Variants in RARS1 observed in about 807,000 individuals in gnomAD.
The protein encoded by RARS1 is arginyl-tRNA synthetase 1, also known as arginine--tRNA ligase, cytoplasmic.
In RARS1, 75 loss-of-function variants were observed where a neutral mutation model predicts 78.7. That is an observed-to-expected ratio of 0.95 (90% CI 0.79 to 1.15). The LOEUF is 1.15. Ranked by LOEUF, RARS1 falls within the 50% of genes most tolerant of loss-of-function variation. The pLI, the probability that RARS1 is intolerant of heterozygous loss-of-function variation, is 0.00. For missense variants in RARS1, 787 were observed against 787.5 expected (o/e 1.00, Z 0.01); for synonymous variants, 273 against 268.2 (o/e 1.02, Z -0.18).
chr5:168,493,298 G>T, intron 3 of RARS1: 1 of 157,800 alleles, frequency 6.3e-6, no homozygotes, highest in Non-Finnish European at 1.4e-5. Context: ...ATGTGTTTAT[G>T]GTTAACTGCA....
chr5:168,511,913 T>G (rs1758570870), intron 12 of RARS1, among the ~76,000 whole-genome samples: 1 of 152,184 alleles, frequency 6.6e-6, no homozygotes, highest in South Asian at 2.1e-4. Context: ...TCGCTCAGGC[T>G]GGAGTGCAGT....
Position 168,519,274 on chromosome 5 carries a change from C to A in RARS1, c.*84C>A. The A allele has an allele frequency of 2.0e-6, 2 of 1,019,688 alleles. No individual in the cohort carries two copies. The highest frequency in any genetic ancestry group is 2.9e-6 in the Non-Finnish European group (2 of 691,734). The allele number at this position is 1,019,688 out of a possible 1,614,324, so 63.2% of individuals were successfully genotyped here. A position where few individuals can be genotyped will look rare whatever the true frequency, so the allele number is the denominator to read the frequency against. Reference sequence around the variant, plus strand: ...TTTTTTACAATCATGTGGACACAAGCATAAGTAAAGAAAATTTGTCAACCA... The same window carrying A: ...TTTTTTACAATCATGTGGACACAAGAATAAGTAAAGAAAATTTGTCAACCA... On this transcript the variant is annotated 3_prime_UTR_variant, in exon 15 of 15. Coordinates refer to ENST00000231572, the MANE Select transcript of RARS1 (RefSeq NM_002887.4).
intron 11 of RARS1, among the ~76,000 whole-genome samples, chr5:168,508,618 T>TC (rs1282982214): frequency 2.0e-5 from 1 of 48,866 alleles, no homozygotes; most frequent in African/African-American, 8.8e-5. Context: ...AGACTCTGTC[T>TC]CAAAAAAAAA....
chr5:168,515,867 C>T (rs1255253204), intron 12 of RARS1, among the ~76,000 whole-genome samples: 1 of 152,196 alleles, frequency 6.6e-6, no homozygotes, highest in Non-Finnish European at 1.5e-5. Context: ...CTTGTGCATG[C>T]CAGCCATATG....
intron 10 of RARS1, 132 bp from the exon 11 acceptor site, chr5:168,506,590 T>C (rs560629104): frequency 3.1e-6 from 2 of 651,010 alleles, no homozygotes; most frequent in South Asian, 4.2e-5. Flanking sequence ...GAAGAGGTTT[T>C]ATAATAGCAC....
chr5:168,517,657 A>G (rs192099049), intron 13 of RARS1, among the ~76,000 whole-genome samples, 158 bp from the exon 14 acceptor site: 1 of 150,816 alleles, frequency 6.6e-6, no homozygotes, highest in African/African-American at 2.4e-5. Context: ...AATGCTTTAG[A>G]TCTGGCTATT....
At chr5:168,512,715 C>T (rs1386298218) in intron 12 of RARS1, among the ~76,000 whole-genome samples, 1 of 152,152 alleles carries the variant, frequency 6.6e-6, no homozygotes, top group Non-Finnish European at 1.5e-5. Context: ...AGGCCAGTCT[C>T]TTCTCTTCAC....
intron 1 of RARS1, chr5:168,488,070 A>G (rs983798680): frequency 7.2e-6 from 2 of 276,022 alleles, no homozygotes; most frequent in Non-Finnish European, 1.5e-5. Context: ...ATCCCATTAT[A>G]TACTTACTCC....
Position 168,495,439 on chromosome 5 carries a change from A to G in RARS1, c.701+3A>G, listed in dbSNP as rs774396666. ...TTTGCAGGGTATGACGTGCTCAGGTATGTGCTCTTGCCTTGCGTACTATTC... is the reference window on the plus strand; with the variant it reads ...TTTGCAGGGTATGACGTGCTCAGGTGTGTGCTCTTGCCTTGCGTACTATTC... On this transcript the variant is annotated splice_donor_region_variant and intron_variant, in intron 6 of 14. Coordinates refer to ENST00000231572, the MANE Select transcript of RARS1 (RefSeq NM_002887.4). 9 of 1,612,340 alleles carry G rather than the reference A, an allele frequency of 5.6e-6. No individual in the cohort carries two copies. Among genetic ancestry groups the G allele is most frequent in the East Asian group, 2.2e-5 (1 of 44,822 alleles).
intron 6 of RARS1, among the ~76,000 whole-genome samples, chr5:168,495,867 G>A (rs1459075039): frequency 2.6e-5 from 4 of 152,118 alleles, no homozygotes; most frequent in Admixed American, 2.6e-4. Flanking sequence ...TTAAAGATTA[G>A]CCTGGGTACC....
intron 2 of RARS1, among the ~76,000 whole-genome samples, chr5:168,491,966 T>C (rs1758096063): frequency 6.9e-6 from 1 of 145,082 alleles, no homozygotes; most frequent in East Asian, 2.1e-4. Context: ...TTTTTTTTTT[T>C]TTTGCTAAAC....
rs552984630 is a variant in RARS1, at chr5:168,500,168, T to A, written c.823-423T>A. On this transcript the variant is annotated intron_variant, in intron 7 of 14. Coordinates refer to ENST00000231572, the MANE Select transcript of RARS1 (RefSeq NM_002887.4). ...TGCCACTCCAGCCACTCCAGTCCACTCCAGCCTGGGAGACAGAGTGAGACT... is the reference window on the plus strand; with the variant it reads ...TGCCACTCCAGCCACTCCAGTCCACACCAGCCTGGGAGACAGAGTGAGACT... Among the ~76,000 whole-genome samples, 5 of 113,396 alleles carry A rather than the reference T, an allele frequency of 4.4e-5. No homozygotes were observed. The East Asian group carries it at 1.2e-3, about 28-fold the overall frequency. The allele number at this position is 113,396 out of a possible 152,430, so 74.4% of individuals were successfully genotyped here.
chr5:168,513,727 A>G (rs907886645), intron 12 of RARS1, among the ~76,000 whole-genome samples: 2 of 152,062 alleles, frequency 1.3e-5, no homozygotes, highest in Non-Finnish European at 2.9e-5. Flanking sequence ...TTTGCATTAG[A>G]CAATCAGTAC....
intron 12 of RARS1, among the ~76,000 whole-genome samples, chr5:168,511,718 T>C (rs1758567115): frequency 6.6e-6 from 1 of 152,216 alleles, no homozygotes; most frequent in African/African-American, 2.4e-5. Context: ...TACATATATA[T>C]GCCTTAGAAC....
At position 168,486,472 on chromosome 5, in the gene RARS1, C is replaced by G. The variant is rs369227217; in HGVS notation, c.-27C>G. ...GGCTGACCGTTTCCGCTTCCGTCCA[C>G]TTGGCGAGTGAGACGCTGATGGGAG... On this transcript the variant is annotated 5_prime_UTR_variant, in exon 1 of 15. Transcript: ENST00000231572. The G allele has an allele frequency of 3.9e-6, 6 of 1,554,134 alleles. No individual in the cohort carries two copies. Among genetic ancestry groups the G allele is most frequent in the South Asian group, 2.4e-5 (2 of 84,318 alleles).
intron 9 of RARS1, among the ~76,000 whole-genome samples, chr5:168,505,469 A>G (rs534736351): frequency 4.6e-5 from 7 of 152,208 alleles, no homozygotes; most frequent in African/African-American, 1.4e-4. Flanking sequence ...GCACGCTGTT[A>G]GAGATCACTA....
intron 14 of RARS1, among the ~76,000 whole-genome samples, chr5:168,518,352 C>T (rs1025240287): frequency 6.6e-6 from 1 of 151,894 alleles, no homozygotes; most frequent in Non-Finnish European, 1.5e-5. Flanking sequence ...TGGAAACTTC[C>T]ACTTTTTCCC....
intron 11 of RARS1, among the ~76,000 whole-genome samples, chr5:168,507,750 A>G (rs975074554): frequency 6.6e-6 from 1 of 152,166 alleles, no homozygotes; most frequent in Admixed American, 6.5e-5. Flanking sequence ...ATCAAAAGAC[A>G]CTAGGGGCTA....
At position 168,510,548 on chromosome 5, in the gene RARS1, T is replaced by C. The variant is rs944519310; in HGVS notation, c.1347-33T>C. ...AGATTTCTAAGTTGAAAAGTCTGTT[T>C]CAAAATCTGATTGGGGGTTTTACAT... On this transcript the variant is annotated intron_variant, in intron 11 of 14. Coordinates refer to ENST00000231572, the MANE Select transcript of RARS1 (RefSeq NM_002887.4). The C allele has an allele frequency of 2.6e-6, 4 of 1,516,808 alleles. No homozygotes were observed. The East Asian group carries it at 9.1e-5, about 34-fold the overall frequency. 94.0% of individuals were successfully genotyped at this position (1,516,808 alleles called of 1,614,324 possible). A position where few individuals can be genotyped will look rare whatever the true frequency, so the allele number is the denominator to read the frequency against.
Sources: allele counts gnomAD v4.1 joint callset (sites outside exome capture counted in the v4.1 genomes callset), GRCh38; gene constraint gnomAD v4.1.1; transcripts MANE v1.5; gene names NCBI Gene and HGNC (gene_info 2026-07-23, HGNC 2026-07-21).